Variants in PHF21B observed in about 807,000 individuals in gnomAD.
The protein encoded by PHF21B is PHD finger protein 21B.
In PHF21B, 22 loss-of-function variants were observed where a neutral mutation model predicts 62.2. That is an observed-to-expected ratio of 0.35 (90% confidence interval 0.25 to 0.51). The LOEUF is 0.51. Among genes scored for constraint, PHF21B ranks in the 20% least tolerant of loss-of-function variants. The probability of loss-of-function intolerance (pLI) is 0.97; values close to 1 mark genes in which losing one functional copy is unlikely to be tolerated. For missense variants in PHF21B, 701 were observed against 707.9 expected, an observed-to-expected ratio of 0.99 and a Z score of 0.11; for synonymous variants, 341 against 314.7, an observed-to-expected ratio of 1.08 and a Z score of -0.88.
intron 2 of PHF21B, among the ~76,000 whole-genome samples, chr22:44,936,165 G>A (rs919519919): frequency 6.6e-6 from 1 of 152,228 alleles, no homozygotes; most frequent in Non-Finnish European, 1.5e-5. Context: ...TCACTCCTGG[G>A]ATGAATGGGC....
At chr22:44,985,647 T>C (rs2072931927) in intron 2 of PHF21B, among the ~76,000 whole-genome samples, 1 of 152,126 alleles carries the variant, frequency 6.6e-6, no homozygotes, top group Non-Finnish European at 1.5e-5. Context: ...CTAGTCTCTG[T>C]TCCCTCCACT....
chr22:44,885,325 T>C, intron 12 of PHF21B, 101 bp downstream of exon 12: 3 of 1,143,586 alleles, frequency 2.6e-6, no homozygotes, highest in Non-Finnish European at 3.6e-6. Context: ...GAGGCCAGCC[T>C]GGATCTACAC....
At chr22:44,955,196 G>A (rs1476471334) in intron 2 of PHF21B, among the ~76,000 whole-genome samples, 3 of 152,202 alleles carry the variant, frequency 2.0e-5, no homozygotes, top group Admixed American at 2.0e-4. Flanking sequence ...CCCACTTGCA[G>A]ACAAGAGCCA....
chr22:44,998,294 G>T (rs2073154853), intron 2 of PHF21B, among the ~76,000 whole-genome samples: 1 of 152,202 alleles, frequency 6.6e-6, no homozygotes, highest in African/African-American at 2.4e-5. Context: ...CATGCAGGAC[G>T]CAGCAACTCT....
intron 9 of PHF21B, among the ~76,000 whole-genome samples, chr22:44,889,369 T>A (rs573264745): frequency 1.1e-4 from 16 of 152,286 alleles, no homozygotes; most frequent in African/African-American, 3.8e-4. Context: ...CAGCCCCTTT[T>A]CGGACGGGTA....
At chr22:44,957,544 CTCTT>C (rs2072326296) in intron 2 of PHF21B, among the ~76,000 whole-genome samples, 1 of 152,298 alleles carries the variant, frequency 6.6e-6, no homozygotes, top group East Asian at 1.9e-4. Flanking sequence ...AGTCAGCCCT[CTCTT>C]TCTTCTACCG....
chr22:45,006,560 C>G (rs886893431), intron 2 of PHF21B, among the ~76,000 whole-genome samples: 1 of 152,136 alleles, frequency 6.6e-6, no homozygotes, highest in South Asian at 2.1e-4. Context: ...TAATAAATAG[C>G]GACTCATTTA....
intron 5 of PHF21B, among the ~76,000 whole-genome samples, chr22:44,903,028 C>G (rs991575763): frequency 3.3e-5 from 5 of 152,208 alleles, no homozygotes; most frequent in African/African-American, 1.2e-4. Flanking sequence ...GCCTCTCCCC[C>G]ATGGTCAAAG....
chr22:44,947,982 G>A (rs181998763), intron 2 of PHF21B, among the ~76,000 whole-genome samples: 9 of 151,594 alleles, frequency 5.9e-5, no homozygotes, highest in Admixed American at 5.2e-4. Context: ...CCTCCTCCCC[G>A]CTGTTGTCCC....
chr22:44,905,958 T>C (rs895929243), intron 5 of PHF21B, among the ~76,000 whole-genome samples: 1 of 152,240 alleles, frequency 6.6e-6, no homozygotes, highest in African/African-American at 2.4e-5. Flanking sequence ...AAGTTTGCAG[T>C]TGCCTCAGCG....
rs530963657 is a variant in PHF21B, at chr22:44,924,308, G to C, written c.121-3818C>G. On this transcript the variant is annotated intron_variant, in intron 2 of 12. Coordinates refer to ENST00000313237, the MANE Select transcript of PHF21B (RefSeq NM_138415.5). ...TGCTGGTGAGGATGTAGAGCAAATG[G>C]AACTCTCAACCACTGCTGTCGGGAA... Among the ~76,000 whole-genome samples, 8 of 152,288 alleles carry C rather than the reference G, an allele frequency of 5.3e-5. No individual in the cohort carries two copies. In the South Asian group the frequency reaches 1.5e-3, roughly 28 times the overall value.
chr22:44,890,097 T>TG (rs2070937481), intron 8 of PHF21B, among the ~76,000 whole-genome samples: 1 of 151,172 alleles, frequency 6.6e-6, no homozygotes, highest in Non-Finnish European at 1.5e-5. Context: ...CAGGGCATGA[T>TG]GGGAATATCA....
At chr22:44,984,653 C>T (rs1316616384) in intron 2 of PHF21B, among the ~76,000 whole-genome samples, 1 of 152,196 alleles carries the variant, frequency 6.6e-6, no homozygotes, top group Non-Finnish European at 1.5e-5. Flanking sequence ...GACATACATG[C>T]TTATTTGTAT....
At chr22:44,952,939 G>A (rs1484930390) in intron 2 of PHF21B, among the ~76,000 whole-genome samples, 2 of 152,194 alleles carry the variant, frequency 1.3e-5, no homozygotes, top group Non-Finnish European at 2.9e-5. Context: ...GCTGAGCCCT[G>A]TGTGCTGGGC....
intron 12 of PHF21B, among the ~76,000 whole-genome samples, chr22:44,884,817 T>C (rs2070825495): frequency 6.6e-6 from 1 of 151,072 alleles, no homozygotes; most frequent in Non-Finnish European, 1.5e-5. Flanking sequence ...ATCATCACCA[T>C]CACCATCATC....
intron 2 of PHF21B, among the ~76,000 whole-genome samples, chr22:44,977,729 C>A (rs2072764154): frequency 6.6e-6 from 1 of 150,800 alleles, no homozygotes; most frequent in Non-Finnish European, 1.5e-5. Context: ...CAGGTGCATG[C>A]CACCACACCC....
At chr22:44,896,817 A>C (rs541869157) in intron 5 of PHF21B, among the ~76,000 whole-genome samples, 26 of 149,542 alleles carry the variant, frequency 1.7e-4, no homozygotes, top group South Asian at 2.1e-4. Flanking sequence ...CATTTCTTTG[A>C]CTTTGTATAC....
In PHF21B at chr22:44,883,033, T is replaced by C; in HGVS notation, c.*53A>G. Reference sequence around the variant, plus strand: ...TAAGGCCGACAGAACCCCCAGGCTGTGTAAGCAGGGTCCCAATAACTTTCC... The same window carrying C: ...TAAGGCCGACAGAACCCCCAGGCTGCGTAAGCAGGGTCCCAATAACTTTCC... On this transcript the variant is annotated 3_prime_UTR_variant, in exon 13 of 13. Transcript: ENST00000313237. The C allele has an allele frequency of 6.5e-7, 1 of 1,535,330 alleles. No homozygotes were observed. Among genetic ancestry groups the C allele is most frequent in the Non-Finnish European group, 8.8e-7 (1 of 1,137,744 alleles).
At chr22:44,936,095 T>C (rs898252515) in intron 2 of PHF21B, among the ~76,000 whole-genome samples, 1 of 152,252 alleles carries the variant, frequency 6.6e-6, no homozygotes, top group Non-Finnish European at 1.5e-5. Flanking sequence ...ACATTCCTTG[T>C]CCTCCAAATA....
Sources: gnomAD v4.1 joint callset for allele counts (sites outside exome capture counted in the v4.1 genomes callset) on GRCh38, gnomAD v4.1.1 for gene constraint, MANE v1.5 for transcripts, NCBI Gene and HGNC (gene_info 2026-07-23, HGNC 2026-07-21) for gene names.